The following ARID5B variants were observed in gnomAD, a reference collection of about 807,000 sequenced individuals.
ARID5B encodes the protein AT-rich interaction domain 5B.
ARID5B carries 13 observed loss-of-function variants against 97.2 expected under a neutral mutation model. The ratio of observed to expected loss-of-function variants is 0.13; its 90% confidence interval spans 0.09 to 0.21. The LOEUF (loss-of-function observed/expected upper bound fraction) is 0.21. ARID5B is among the 10% of genes least tolerant of loss of function. ARID5B has a pLI of 1.00. For synonymous variants in ARID5B, 556 were observed against 570.3 expected (o/e 0.97, Z 0.36); for missense variants, 1,210 against 1,465.3 (o/e 0.83, Z 2.84).
intron 3 of ARID5B, among the ~76,000 whole-genome samples, chr10:61,972,846 G>A (rs576976535): frequency 6.6e-6 from 1 of 152,092 alleles, no homozygotes; most frequent in Non-Finnish European, 1.5e-5. Context: ...AAACATTTTC[G>A]GTAGAATTAG....
intron 4 of ARID5B, among the ~76,000 whole-genome samples, chr10:62,029,026 AC>A (rs1290130105): frequency 1.3e-5 from 2 of 151,962 alleles, no homozygotes; most frequent in East Asian, 3.9e-4. Context: ...GATTTACAAT[AC>A]GCACCACAGC....
chr10:62,008,015 T>C lies in ARID5B; in HGVS notation c.733+7694T>C, dbSNP rs563131154. On this transcript the variant is annotated intron_variant, in intron 4 of 9. Transcript: ENST00000279873. ...TAACTCCTATATTTGTTTCTTTACA[T>C]GTTTACAGTCTGTCCCGCCCCCTCC... Among the ~76,000 whole-genome samples the C allele has an allele frequency of 7.9e-5, 12 of 151,464 alleles. 1 individual carries two copies. The South Asian group carries it at 2.5e-3, about 32-fold the overall frequency.
intron 3 of ARID5B, 85 bp downstream of exon 3, chr10:61,940,493 T>C: frequency 1.8e-6 from 2 of 1,110,052 alleles, no homozygotes; most frequent in Non-Finnish European, 2.6e-6. Flanking sequence ...AACACTATCA[T>C]TTATATATAA....
chr10:61,970,314 C>T (rs1838607658), intron 3 of ARID5B, among the ~76,000 whole-genome samples: 1 of 152,144 alleles, frequency 6.6e-6, no homozygotes, highest in South Asian at 2.1e-4. Context: ...GGTCTTTGAC[C>T]ATAATCTATG....
intron 2 of ARID5B, among the ~76,000 whole-genome samples, chr10:61,919,080 A>G (rs1843963739): frequency 8.0e-6 from 1 of 124,492 alleles, no homozygotes; most frequent in Non-Finnish European, 1.6e-5. Context: ...GTTAGGGGAC[A>G]TCTCTTCCAT....
intron 2 of ARID5B, among the ~76,000 whole-genome samples, chr10:61,906,369 T>G (rs1843708383): frequency 6.6e-6 from 1 of 152,230 alleles, no homozygotes; most frequent in Non-Finnish European, 1.5e-5. Context: ...CCACTAGCTC[T>G]TCAGAGGAGG....
At chr10:62,009,755 G>T (rs1839193320) in intron 4 of ARID5B, among the ~76,000 whole-genome samples, 1 of 152,198 alleles carries the variant, frequency 6.6e-6, no homozygotes, top group African/African-American at 2.4e-5. Flanking sequence ...ACACTACGAG[G>T]CAGTTGGCTA....
rs774134980 is a variant in ARID5B, at chr10:62,050,966, CCAA to C, written c.819_821del (p.Asn274del). On this transcript the variant is annotated inframe_deletion, in exon 5 of 10. Transcript: ENST00000279873. Reference sequence around the variant, plus strand: ...GATTCATTCAGTGGTGTTAAGGATTCCAACAACAATTCCGATGGCAAAGCCGTT... The same window carrying C: ...GATTCATTCAGTGGTGTTAAGGATTCCAACAATTCCGATGGCAAAGCCGTT... The C allele has an allele frequency of 8.4e-5, 135 of 1,614,184 alleles. No homozygotes were observed. The highest frequency in any genetic ancestry group is 6.2e-4 in the Admixed American group (37 of 60,036).
At chr10:62,008,814 C>T (rs978942040) in intron 4 of ARID5B, among the ~76,000 whole-genome samples, 4 of 152,186 alleles carry the variant, frequency 2.6e-5, no homozygotes, top group Admixed American at 6.5e-5. Context: ...GCTCTGTGTT[C>T]TCATGGACTC....
chr10:61,945,340 C>CA lies in ARID5B; in HGVS notation c.502+4939dup, dbSNP rs1024813777. 2.6e-5 allele frequency among the ~76,000 whole-genome samples: 4 copies of CA among 151,406 alleles called. No homozygotes were observed. The East Asian group carries it at 7.7e-4, about 29-fold the overall frequency. On this transcript the variant is annotated intron_variant, in intron 3 of 9. Coordinates refer to ENST00000279873, the MANE Select transcript of ARID5B (RefSeq NM_032199.3). ...GCAATGAATTCTTAATTCTCAGCCA[C>CA]AAAAAAAGATAAAATACAATGAGAT...
At chr10:62,038,982 T>C (rs1412126154) in intron 4 of ARID5B, among the ~76,000 whole-genome samples, 4 of 152,240 alleles carry the variant, frequency 2.6e-5, no homozygotes. Flanking sequence ...CAGCGAATAA[T>C]GATCCAAATA....
At chr10:61,947,418 G>A (rs565788573) in intron 3 of ARID5B, among the ~76,000 whole-genome samples, 11 of 151,876 alleles carry the variant, frequency 7.2e-5, no homozygotes, top group Admixed American at 2.6e-4. Context: ...ACAGGTGCCC[G>A]CCACCATGCC....
chr10:61,958,081 C>T (rs957270864), intron 3 of ARID5B, among the ~76,000 whole-genome samples: 2 of 152,158 alleles, frequency 1.3e-5, no homozygotes, highest in Admixed American at 6.5e-5. Context: ...AAGGAACTCA[C>T]AGGTAGCAGG....
intron 3 of ARID5B, among the ~76,000 whole-genome samples, chr10:61,990,143 A>G (rs1281845613): frequency 1.3e-5 from 2 of 152,238 alleles, no homozygotes; most frequent in African/African-American, 4.8e-5. Context: ...CAGAGGCAAG[A>G]GGCCTTTTCC....
At chr10:62,047,484 C>T (rs559371098) in intron 4 of ARID5B, among the ~76,000 whole-genome samples, 38 of 152,254 alleles carry the variant, frequency 2.5e-4, no homozygotes, top group Non-Finnish European at 5.0e-4. Flanking sequence ...GATATGCTAT[C>T]AGTAAGGGTA....
intron 4 of ARID5B, among the ~76,000 whole-genome samples, chr10:62,032,721 T>C (rs1452631231): frequency 6.6e-6 from 1 of 151,994 alleles, no homozygotes; most frequent in Non-Finnish European, 1.5e-5. Flanking sequence ...TCTCGGAAAA[T>C]AAATAAATAA....
chr10:62,042,927 A>AG (rs1839659897), intron 4 of ARID5B, among the ~76,000 whole-genome samples: 2 of 151,852 alleles, frequency 1.3e-5, no homozygotes, highest in African/African-American at 4.8e-5. Context: ...AAAAAAAAAA[A>AG]AAAAAAGAAT....
chr10:62,069,738 A>G lies in ARID5B; in HGVS notation c.1140A>G (p.Glu380=), dbSNP rs1248822715. The G allele has an allele frequency of 7.4e-6, 12 of 1,614,166 alleles. No homozygotes were observed. The highest frequency in any genetic ancestry group is 1.0e-5 in the Non-Finnish European group (12 of 1,179,998). Residue 380 remains glutamate, a synonymous_variant, in exon 8 of 10, where the codon GAA becomes GAG. Transcript: ENST00000279873. ...ARRQWKHIYD[E]LGGNPGSTSA... ...GTCAGTGGAAACATATTTATGATGA[A>G]TTAGGCGGTAATCCTGGGAGCACCA...
intron 2 of ARID5B, among the ~76,000 whole-genome samples, chr10:61,922,327 G>T (rs1015067947): frequency 6.6e-6 from 1 of 152,240 alleles, no homozygotes; most frequent in Non-Finnish European, 1.5e-5. Flanking sequence ...TTTGGGCCGG[G>T]CATGGTGGCT....
Sources: allele counts gnomAD v4.1 joint callset (sites outside exome capture counted in the v4.1 genomes callset), GRCh38; gene constraint gnomAD v4.1.1; transcripts MANE v1.5; gene names NCBI Gene and HGNC (gene_info 2026-07-23, HGNC 2026-07-21).